Variants in SH3RF3 observed in about 807,000 individuals in gnomAD.
The protein encoded by SH3RF3 is SH3 domain containing ring finger 3, also known as E3 ubiquitin-protein ligase SH3RF3.
Under a neutral mutation model 66.3 loss-of-function variants are expected in SH3RF3, and 29 were observed. The ratio of observed to expected loss-of-function variants is 0.44; its 90% confidence interval spans 0.33 to 0.60. The LOEUF is 0.60. Ranked by LOEUF, SH3RF3 falls within the 20% of genes least tolerant of loss-of-function variation. The pLI is 0.04. For missense variants in SH3RF3, 1,194 were observed against 1,190.9 expected, an observed-to-expected ratio of 1.00 and a Z score of -0.04; for synonymous variants, 583 against 532.0, an observed-to-expected ratio of 1.10 and a Z score of -1.32.
intron 1 of SH3RF3, among the ~76,000 whole-genome samples, chr2:109,279,114 A>T (rs1482672568): frequency 6.6e-6 from 1 of 152,216 alleles, no homozygotes; most frequent in Non-Finnish European, 1.5e-5. Flanking sequence ...AAATCCACGT[A>T]TCACCTGGAA....
chr2:109,217,967 C>G (rs575479889), intron 1 of SH3RF3, among the ~76,000 whole-genome samples: 3 of 152,330 alleles, frequency 2.0e-5, no homozygotes, highest in African/African-American at 7.2e-5. Flanking sequence ...CTCTGCCTTG[C>G]TCCTGCCGGT....
At chr2:109,479,110 T>G (rs1176531216) in intron 8 of SH3RF3, among the ~76,000 whole-genome samples, 1 of 152,172 alleles carries the variant, frequency 6.6e-6, no homozygotes, top group African/African-American at 2.4e-5. Context: ...CACACACTTC[T>G]CAACGTGGAC....
intron 1 of SH3RF3, among the ~76,000 whole-genome samples, chr2:109,338,063 G>C (rs1041868379): frequency 2.0e-5 from 3 of 152,144 alleles, no homozygotes; most frequent in African/African-American, 4.8e-5. Flanking sequence ...TTGCCAGTCT[G>C]TGTGTCATGT....
chr2:109,162,187 A>G (rs909766566), intron 1 of SH3RF3, among the ~76,000 whole-genome samples: 4 of 152,190 alleles, frequency 2.6e-5, no homozygotes, highest in African/African-American at 4.8e-5. Context: ...GACAGATACC[A>G]TGGACCTTAC....
At chr2:109,418,910 T>C (rs1676796684) in intron 4 of SH3RF3, among the ~76,000 whole-genome samples, 1 of 152,150 alleles carries the variant, frequency 6.6e-6, no homozygotes. Flanking sequence ...GGCAAGACCA[T>C]GGTGCCACCC....
Position 109,490,854 on chromosome 2 carries a change from C to A in SH3RF3, c.2398C>A (p.Leu800Ile). The change falls in exon 9 of 10, where the codon CTA becomes ATA. Residue 800 changes from leucine to isoleucine, a missense_variant. Physicochemically the swap from Leu to Ile is conservative, Grantham distance 5. Coordinates refer to ENST00000309415, the MANE Select transcript of SH3RF3 (RefSeq NM_001099289.3). ...PLHRKAGSLDLNFTSPSRQAP... is the reference protein window; with the variant it reads ...PLHRKAGSLDINFTSPSRQAP... ...GCACAGGAAGGCAGGCTCCTTGGATCTAAACTTCACATCTCCTTCCCGGCA... is the reference window on the plus strand; with the variant it reads ...GCACAGGAAGGCAGGCTCCTTGGATATAAACTTCACATCTCCTTCCCGGCA... 1 of 1,536,168 alleles carries A rather than the reference C, an allele frequency of 6.5e-7. No individual in the cohort carries two copies. The highest frequency in any genetic ancestry group is 8.7e-7 in the Non-Finnish European group (1 of 1,146,276).
chr2:109,319,629 C>T (rs1036533778), intron 1 of SH3RF3, among the ~76,000 whole-genome samples: 1 of 152,238 alleles, frequency 6.6e-6, no homozygotes, highest in Non-Finnish European at 1.5e-5. Flanking sequence ...CTTATCATCC[C>T]TGTTGTTTTT....
chr2:109,135,814 C>T (rs766580762), intron 1 of SH3RF3, among the ~76,000 whole-genome samples: 3 of 152,060 alleles, frequency 2.0e-5, no homozygotes, highest in Non-Finnish European at 4.4e-5. Context: ...TTTAAATTTG[C>T]TCCAAGTTTA....
intron 3 of SH3RF3, among the ~76,000 whole-genome samples, chr2:109,383,379 A>G (rs925015489): frequency 2.6e-5 from 4 of 151,940 alleles, no homozygotes; most frequent in African/African-American, 7.2e-5. Context: ...TCTATCCTAC[A>G]GGTCTCGGTT....
At chr2:109,371,116 C>T (rs545508691) in intron 2 of SH3RF3, among the ~76,000 whole-genome samples, 170 of 152,126 alleles carry the variant, frequency 1.1e-3, no homozygotes, top group Non-Finnish European at 2.1e-3. Context: ...TGGCTGGGTT[C>T]GGTGGCTCAC....
intron 1 of SH3RF3, among the ~76,000 whole-genome samples, chr2:109,342,908 G>T (rs967158233): frequency 2.6e-5 from 4 of 152,206 alleles, no homozygotes; most frequent in Admixed American, 1.3e-4. Context: ...GATGTTAATT[G>T]TCCTGTAGGC....
At chr2:109,493,420 GCAAACA>G (rs1246773821) in intron 9 of SH3RF3, among the ~76,000 whole-genome samples, 1 of 147,920 alleles carries the variant, frequency 6.8e-6, no homozygotes, top group Non-Finnish European at 1.5e-5. Context: ...CATACATCAT[GCAAACA>G]CAGACTACAC....
intron 1 of SH3RF3, among the ~76,000 whole-genome samples, chr2:109,243,127 C>A (rs1213258510): frequency 1.3e-5 from 2 of 152,218 alleles, no homozygotes; most frequent in Non-Finnish European, 2.9e-5. Flanking sequence ...TTCAGGCAGA[C>A]AATTGGGAGC....
intron 1 of SH3RF3, among the ~76,000 whole-genome samples, chr2:109,278,337 G>A (rs1038301094): frequency 6.6e-6 from 1 of 152,198 alleles, no homozygotes; most frequent in Admixed American, 6.5e-5. Flanking sequence ...CCCGTAATGG[G>A]GGTGGGCCCA....
At chr2:109,303,025 C>T (rs949714467) in intron 1 of SH3RF3, among the ~76,000 whole-genome samples, 6 of 152,130 alleles carry the variant, frequency 3.9e-5, no homozygotes, top group Admixed American at 2.0e-4. Context: ...TACAGGCATG[C>T]ACCACCATGC....
chr2:109,255,698 A>G (rs72937589), intron 1 of SH3RF3, among the ~76,000 whole-genome samples: 3,027 of 152,320 alleles, frequency 0.02, 108 homozygotes, highest in African/African-American at 0.069. Flanking sequence ...TGTGGAGGAC[A>G]CTGGGGTGAT....
intron 1 of SH3RF3, among the ~76,000 whole-genome samples, chr2:109,337,079 C>T (rs1249012450): frequency 1.3e-5 from 2 of 152,212 alleles, no homozygotes; most frequent in Non-Finnish European, 2.9e-5. Context: ...TATTTAGTAT[C>T]CTAAATGTAA....
intron 1 of SH3RF3, among the ~76,000 whole-genome samples, chr2:109,208,186 A>G (rs1230194924): frequency 6.6e-6 from 1 of 152,190 alleles, no homozygotes; most frequent in African/African-American, 2.4e-5. Flanking sequence ...TGTGGCACCT[A>G]CCTGGCTCTG....
intron 1 of SH3RF3, among the ~76,000 whole-genome samples, chr2:109,163,320 G>A (rs1346655461): frequency 6.7e-6 from 1 of 150,372 alleles, no homozygotes; most frequent in African/African-American, 2.4e-5. Flanking sequence ...AAAGGAAATT[G>A]CAAGTGCAAG....
Sources: allele counts gnomAD v4.1 joint callset (sites outside exome capture counted in the v4.1 genomes callset), GRCh38; gene constraint gnomAD v4.1.1; transcripts MANE v1.5; gene names NCBI Gene and HGNC (gene_info 2026-07-23, HGNC 2026-07-21).